Variants in GCHFR observed in about 807,000 individuals in gnomAD.
GCHFR encodes GTP cyclohydrolase 1 feedback regulatory protein.
GCHFR carries 12 observed loss-of-function variants against 10.6 expected under a neutral mutation model. The ratio of observed to expected loss-of-function variants is 1.13; its 90% confidence interval spans 0.72 to 1.83. The LOEUF is 1.83. Among genes scored for constraint, GCHFR ranks in the 40% most tolerant of loss-of-function variants. The pLI is 0.00. For missense variants in GCHFR, 116 were observed against 110.6 expected, an observed-to-expected ratio of 1.05 and a Z score of -0.22; for synonymous variants, 54 against 43.7, an observed-to-expected ratio of 1.24 and a Z score of -0.93.
chr15:40,767,505 G>A lies in GCHFR; in HGVS notation c.*156G>A. The A allele has an allele frequency of 1.2e-6, 1 of 839,516 alleles. No individual in the cohort carries two copies. Among genetic ancestry groups the A allele is most frequent in the Non-Finnish European group, 1.7e-6 (1 of 572,358 alleles). The allele number at this position is 839,516 out of a possible 1,614,324, so 52.0% of individuals were successfully genotyped here. A position where few individuals can be genotyped will look rare whatever the true frequency, so the allele number is the denominator to read the frequency against. Reference sequence around the variant, plus strand: ...CAAAGGGCAGTGAATGGCCTTCTCTGAAACCCTGCGTCAAGCAGTGGGAGA... The same window carrying A: ...CAAAGGGCAGTGAATGGCCTTCTCTAAAACCCTGCGTCAAGCAGTGGGAGA... On this transcript the variant is annotated 3_prime_UTR_variant, in exon 3 of 3. Transcript: ENST00000260447.
At position 40,767,307 on chromosome 15, in the gene GCHFR, G is replaced by A. The variant is rs749155056; in HGVS notation, c.213G>A (p.Thr71=). ...ERRGFRVLSM[T]GVGQTLVWCL... Reference sequence around the variant, plus strand: ...GGGGCTTCCGTGTGCTGAGCATGACGGGGGTGGGCCAGACGCTGGTGTGGT... The same window carrying A: ...GGGGCTTCCGTGTGCTGAGCATGACAGGGGTGGGCCAGACGCTGGTGTGGT... The change falls in exon 3 of 3, where the codon ACG becomes ACA. Residue 71 remains threonine (T), a synonymous_variant. Transcript: ENST00000260447. 12 of 1,603,812 alleles carry A rather than the reference G, an allele frequency of 7.5e-6. No homozygotes were observed. The highest frequency in any genetic ancestry group is 1.3e-5 in the African/African-American group (1 of 74,224).
Position 40,767,247 on chromosome 15 carries a change from C to T in GCHFR, c.153C>T (p.Asp51=). The T allele has an allele frequency of 1.3e-6, 2 of 1,579,628 alleles. No homozygotes were observed. The highest frequency in any genetic ancestry group is 1.7e-6 in the Non-Finnish European group (2 of 1,163,088). Residue 51 remains aspartate, a synonymous_variant, in exon 3 of 3, where the codon GAC becomes GAT. Coordinates refer to ENST00000260447, the MANE Select transcript of GCHFR (RefSeq NM_005258.3). ...GNNFYEYYVD[D]PPRIVLDKLE... is the part of the protein sequence containing the mutation. The stretch of plus-strand genomic sequence containing the variant: ...GCAGTTATGAATACTACGTCGATGA[C>T]CCTCCCCGCATAGTCCTGGACAAGC...
rs147004077 is a variant in GCHFR, at chr15:40,764,359, G to T, written c.36+143G>T. ...AGACACGCCCCCTTGGCCGGGGAGAGGGAGTGGAGAAGCGGGCTCAGCTCG... is the reference window on the plus strand; with the variant it reads ...AGACACGCCCCCTTGGCCGGGGAGATGGAGTGGAGAAGCGGGCTCAGCTCG... On this transcript the variant is annotated intron_variant, in intron 1 of 2. Coordinates refer to ENST00000260447, the MANE Select transcript of GCHFR (RefSeq NM_005258.3). The T allele has an allele frequency of 1.7e-3, 1,073 of 641,290 alleles. 9 individuals are homozygous for T. The African/African-American group carries it at 0.019, about 12-fold the overall frequency. The allele number at this position is 641,290 out of a possible 1,614,324, so 39.7% of individuals were successfully genotyped here. A position where few individuals can be genotyped will look rare whatever the true frequency, so the allele number is the denominator to read the frequency against.
chr15:40,766,139 T>G, intron 2 of GCHFR: 2 of 377,356 alleles, frequency 5.3e-6, no homozygotes, highest in Non-Finnish European at 4.8e-6. Context: ...TCCACATCCT[T>G]ACTGGAACCG....
chr15:40,765,459 T>C (rs528453927), intron 1 of GCHFR: 46 of 162,786 alleles, frequency 2.8e-4, no homozygotes, highest in Non-Finnish European at 5.4e-4. Context: ...TTTTTTGAAA[T>C]GGAGTCTCAC....
chr15:40,765,623 G>A, intron 1 of GCHFR: 1 of 381,292 alleles, frequency 2.6e-6, no homozygotes, highest in Admixed American at 4.5e-5. Context: ...TAAGGCACTA[G>A]GGAGGGCGCC....
chr15:40,767,452 C>A lies in GCHFR; in HGVS notation c.*103C>A. On this transcript the variant is annotated 3_prime_UTR_variant, in exon 3 of 3. Coordinates refer to ENST00000260447, the MANE Select transcript of GCHFR (RefSeq NM_005258.3). ...ACCGTCTGCCTTGCTCCTCTCTTCC[C>A]AAATCATCACCGCCATGGGCCCAGC... The A allele has an allele frequency of 7.7e-7, 1 of 1,302,858 alleles. No individual in the cohort carries two copies. The highest frequency in any genetic ancestry group is 1.0e-6 in the Non-Finnish European group (1 of 963,272). 80.7% of individuals were successfully genotyped at this position (1,302,858 alleles called of 1,614,324 possible).
At position 40,767,672 on chromosome 15, in the gene GCHFR, A is replaced by ATAGC; in HGVS notation, c.*328_*331dup. The ATAGC allele has an allele frequency of 3.3e-6, 2 of 600,180 alleles. No homozygotes were observed. The highest frequency in any genetic ancestry group is 4.6e-5 in the South Asian group (2 of 43,350). The allele number at this position is 600,180 out of a possible 1,614,324, so 37.2% of individuals were successfully genotyped here. ...AGCGGCCCTGGCGCGTGGCTCCTGC[A>ATAGC]TAGCTAGCCCAAGCCAATAAAGGGC... On this transcript the variant is annotated 3_prime_UTR_variant, in exon 3 of 3. Coordinates refer to ENST00000260447, the MANE Select transcript of GCHFR (RefSeq NM_005258.3).
At chr15:40,767,190 G>A (rs1191725601) in intron 2 of GCHFR, 36 bp from the exon 3 acceptor site, 8 of 1,458,452 alleles carry the variant, frequency 5.5e-6, no homozygotes, top group Non-Finnish European at 7.3e-6. Context: ...CTTGCTGTGT[G>A]CCCCTCCTCA....
Position 40,767,308 on chromosome 15 carries a change from G to C in GCHFR, c.214G>C (p.Gly72Arg). The stretch of plus-strand genomic sequence containing the variant: ...GGGCTTCCGTGTGCTGAGCATGACG[G>C]GGGTGGGCCAGACGCTGGTGTGGTG... ...RRGFRVLSMT[G>R]VGQTLVWCLH... The change falls in exon 3 of 3, where the codon GGG (glycine) becomes CGG (arginine). Residue 72 changes from glycine (G) to arginine (R), a missense_variant. Transcript: ENST00000260447. 6.2e-7 allele frequency: 1 copy of C among 1,604,264 alleles called. No homozygotes were observed. The highest frequency in any genetic ancestry group is 8.5e-7 in the Non-Finnish European group (1 of 1,175,756).
chr15:40,764,911 C>CG (rs1888915976), intron 1 of GCHFR, among the ~76,000 whole-genome samples: 1 of 152,176 alleles, frequency 6.6e-6, no homozygotes, highest in South Asian at 2.1e-4. Context: ...AAAGACATGA[C>CG]GGGCAGCAAG....
Position 40,764,138 on chromosome 15 carries a change from A to C in GCHFR, c.-43A>C, listed in dbSNP as rs557424083. 6.5e-7 allele frequency: 1 copy of C among 1,529,660 alleles called. No homozygotes were observed. The highest frequency in any genetic ancestry group is 2.0e-5 in the Admixed American group (1 of 50,340). 94.8% of individuals were successfully genotyped at this position (1,529,660 alleles called of 1,614,324 possible). A position where few individuals can be genotyped will look rare whatever the true frequency, so the allele number is the denominator to read the frequency against. On this transcript the variant is annotated 5_prime_UTR_variant, in exon 1 of 3. Coordinates refer to ENST00000260447, the MANE Select transcript of GCHFR (RefSeq NM_005258.3). ...GCGAGAAGGGCTGGAGTCGGCGTCC[A>C]GCCTAGAGCCCCCGGTGGGAGCCAG...
Position 40,764,159 on chromosome 15 carries a change from G to T in GCHFR, c.-22G>T. 6.5e-7 allele frequency: 1 copy of T among 1,545,868 alleles called. No homozygotes were observed. Among genetic ancestry groups the T allele is most frequent in the Non-Finnish European group, 8.7e-7 (1 of 1,146,776 alleles). On this transcript the variant is annotated 5_prime_UTR_variant, in exon 1 of 3. Coordinates refer to ENST00000260447, the MANE Select transcript of GCHFR (RefSeq NM_005258.3). ...GTCCAGCCTAGAGCCCCCGGTGGGAGCCAGGCCGGGACGCGTGCACCATGC... is the reference window on the plus strand; with the variant it reads ...GTCCAGCCTAGAGCCCCCGGTGGGATCCAGGCCGGGACGCGTGCACCATGC...
In GCHFR at chr15:40,764,186, C is replaced by T. The variant is rs1365325408; in HGVS notation, c.6C>T (p.Pro2=). 1.3e-6 allele frequency: 2 copies of T among 1,557,306 alleles called. No individual in the cohort carries two copies. ...CAGGCCGGGACGCGTGCACCATGCC[C>T]TACCTGCTCATCAGCACCCAGATCC... M[P]YLLISTQIRM... is the part of the protein sequence containing the mutation. Residue 2 remains proline, a synonymous_variant, in exon 1 of 3, where the codon CCC becomes CCT. Transcript: ENST00000260447.
chr15:40,765,724 C>T, intron 1 of GCHFR, 103 bp from the exon 2 acceptor site: 1 of 531,638 alleles, frequency 1.9e-6, no homozygotes, highest in Non-Finnish European at 3.4e-6. Flanking sequence ...GTAGCCTTTA[C>T]CTGAACCTTA....
chr15:40,767,392 G>A lies in GCHFR; in HGVS notation c.*43G>A. On this transcript the variant is annotated 3_prime_UTR_variant, in exon 3 of 3. Transcript: ENST00000260447. ...GCAGACGGGGCACCCCTGTGGAGGG[G>A]CTGCTGTGGGCCCTGACCTCCAAGC... is the stretch of plus-strand genomic sequence containing the variant. 1 of 1,554,170 alleles carries A rather than the reference G, an allele frequency of 6.4e-7. No individual in the cohort carries two copies. The highest frequency in any genetic ancestry group is 8.7e-7 in the Non-Finnish European group (1 of 1,151,524).
Position 40,767,283 on chromosome 15 carries a change from G to A in GCHFR, c.189G>A (p.Arg63=), listed in dbSNP as rs149719928. Residue 63 remains arginine (R), a synonymous_variant, in exon 3 of 3, where the codon AGG becomes AGA. Transcript: ENST00000260447. The part of the protein sequence containing the change: ...PRIVLDKLER[R]GFRVLSMTGV... Reference sequence around the variant, plus strand: ...TAGTCCTGGACAAGCTGGAACGCAGGGGCTTCCGTGTGCTGAGCATGACGG... The same window carrying A: ...TAGTCCTGGACAAGCTGGAACGCAGAGGCTTCCGTGTGCTGAGCATGACGG... 1,824 of 1,604,102 alleles carry A rather than the reference G, an allele frequency of 1.1e-3. No individual in the cohort carries two copies. The highest frequency in any genetic ancestry group is 1.5e-3 in the Non-Finnish European group (1,733 of 1,175,482).
intron 1 of GCHFR, chr15:40,765,176 G>A (rs1888921393): frequency 6.6e-6 from 1 of 152,158 alleles, no homozygotes; most frequent in Non-Finnish European, 1.5e-5. Context: ...TAAAAGATAT[G>A]GCTTTATTGA....
intron 1 of GCHFR, 183 bp downstream of exon 1, chr15:40,764,399 G>A (rs1012833258): frequency 4.1e-6 from 2 of 485,678 alleles, no homozygotes; most frequent in Non-Finnish European, 7.1e-6. Flanking sequence ...CCGGGACTCA[G>A]CGAGCTCTGG....
Sources: allele counts gnomAD v4.1 joint callset (sites outside exome capture counted in the v4.1 genomes callset), GRCh38; gene constraint gnomAD v4.1.1; transcripts MANE v1.5; gene names NCBI Gene and HGNC (gene_info 2026-07-23, HGNC 2026-07-21).